OPRM1: variants seen among roughly 807,000 people sequenced by gnomAD.
OPRM1 encodes the protein opioid receptor mu 1, also known as mu-type opioid receptor.
A neutral mutation model predicts 31.8 loss-of-function variants in OPRM1; 27 were observed. The observed-to-expected ratio is 0.85, with a 90% CI of 0.63 to 1.17. The LOEUF (loss-of-function observed/expected upper bound fraction) is 1.17. OPRM1 is among the 50% of genes most tolerant of loss of function. The pLI is 0.00. For missense variants in OPRM1, 536 were observed against 511.1 expected (o/e 1.05, Z -0.47); for synonymous variants, 196 against 189.9 (o/e 1.03, Z -0.26).
chr6:154,164,094 T>C (rs1013443744), intron 3 of OPRM1, among the ~76,000 whole-genome samples: 26 of 152,248 alleles, frequency 1.7e-4, no homozygotes, highest in African/African-American at 6.3e-4. Flanking sequence ...TGTAAAGTTA[T>C]TTAAAGAGTT....
At chr6:154,116,810 C>T (rs913508572) in intron 3 of OPRM1, among the ~76,000 whole-genome samples, 1 of 152,154 alleles carries the variant, frequency 6.6e-6, no homozygotes, top group Admixed American at 6.6e-5. Flanking sequence ...TACACCAATG[C>T]AGCAGCCAAG....
intron 1 of OPRM1, among the ~76,000 whole-genome samples, chr6:154,079,776 C>G (rs901690681): frequency 3.3e-5 from 5 of 152,100 alleles, no homozygotes; most frequent in Admixed American, 6.5e-5. Flanking sequence ...GTGGCATGAC[C>G]GTAGCTCACT....
intron 1 of OPRM1, among the ~76,000 whole-genome samples, chr6:154,063,955 G>A (rs969000598): frequency 1.3e-5 from 2 of 151,996 alleles, no homozygotes; most frequent in South Asian, 4.1e-4. Flanking sequence ...ATGTGAAGAT[G>A]GGTATATAAA....
At chr6:154,194,307 G>A (rs1297941334) in intron 3 of OPRM1, among the ~76,000 whole-genome samples, 1 of 152,206 alleles carries the variant, frequency 6.6e-6, no homozygotes, top group African/African-American at 2.4e-5. Context: ...GCTGAGGCAG[G>A]AGAATCACTT....
intron 3 of OPRM1, chr6:154,091,718 T>C (rs1792285378): frequency 8.0e-7 from 1 of 1,247,674 alleles, no homozygotes; most frequent in African/African-American, 1.5e-5. Context: ...TCAAAATAAC[T>C]ATTTTTATGG....
intron 3 of OPRM1, among the ~76,000 whole-genome samples, chr6:154,171,060 A>C (rs898803635): frequency 1.3e-5 from 2 of 152,166 alleles, no homozygotes; most frequent in African/African-American, 4.8e-5. Flanking sequence ...TTTAGAAAAT[A>C]GTTTGTCCAT....
chr6:154,017,640 A>G (rs770983381), intron 1 of OPRM1, among the ~76,000 whole-genome samples: 3 of 152,196 alleles, frequency 2.0e-5, no homozygotes, highest in Non-Finnish European at 4.4e-5. Context: ...CCCATAAGTT[A>G]TGAGAAGGGA....
chr6:154,245,176 G>C (rs185181023), intron 3 of OPRM1, among the ~76,000 whole-genome samples: 15 of 152,192 alleles, frequency 9.9e-5, no homozygotes, highest in Admixed American at 6.5e-4. Flanking sequence ...TTCAGGAGGG[G>C]AGAAGAAAAG....
At chr6:154,032,415 G>T (rs1779062460) in intron 1 of OPRM1, among the ~76,000 whole-genome samples, 2 of 152,188 alleles carry the variant, frequency 1.3e-5, no homozygotes, top group African/African-American at 4.8e-5. Context: ...AGCAATAAAT[G>T]GGGCATAAGA....
At chr6:154,097,857 A>G (rs1401345592) in intron 3 of OPRM1, among the ~76,000 whole-genome samples, 1 of 152,164 alleles carries the variant, frequency 6.6e-6, no homozygotes, top group East Asian at 1.9e-4. Context: ...ATCATATTAG[A>G]TATGGATTGT....
chr6:154,174,274 A>G (rs1048578410), intron 3 of OPRM1, among the ~76,000 whole-genome samples: 5 of 152,208 alleles, frequency 3.3e-5, no homozygotes, highest in Admixed American at 1.3e-4. Flanking sequence ...TTAATGGGTG[A>G]AAAAACTAGC....
chr6:154,118,168 T>A (rs2128524353), intron 3 of OPRM1, among the ~76,000 whole-genome samples: 1 of 152,314 alleles, frequency 6.6e-6, no homozygotes, highest in Non-Finnish European at 1.5e-5. Flanking sequence ...ATGCCAGCTT[T>A]ACAGTGGGGA....
chr6:154,015,990 C>T (rs1204997758), intron 1 of OPRM1, among the ~76,000 whole-genome samples: 3 of 151,944 alleles, frequency 2.0e-5, no homozygotes, highest in Non-Finnish European at 2.9e-5. Flanking sequence ...GAATCAGACA[C>T]TCATATATAT....
chr6:154,110,468 T>C, intron 3 of OPRM1: 3 of 1,159,972 alleles, frequency 2.6e-6, no homozygotes, highest in Non-Finnish European at 3.8e-6. Context: ...GAGCCTGGGT[T>C]CTGCTGCTAG....
intron 3 of OPRM1, among the ~76,000 whole-genome samples, chr6:154,206,968 C>A (rs1777549094): frequency 6.6e-6 from 1 of 152,188 alleles, no homozygotes; most frequent in South Asian, 2.1e-4. Flanking sequence ...ATTTAAGAAG[C>A]AATGAGAATT....
rs535724834 is a variant in OPRM1, at chr6:154,106,511, T to C, written c.1165-12172T>C. ...AGTCATAGTGGCATTTTATGAAGCA[T>C]TTAGGAGTCCTTACAACCTTTGAAT... On this transcript the variant is annotated intron_variant, in intron 3 of 3. Transcript: ENST00000330432. Among the ~76,000 whole-genome samples, 6 of 152,292 alleles carry C rather than the reference T, an allele frequency of 3.9e-5. No homozygotes were observed. The South Asian group carries it at 1.2e-3, about 32-fold the overall frequency.
chr6:154,139,370 T>TG (rs1197766675), intron 3 of OPRM1, among the ~76,000 whole-genome samples: 1 of 152,208 alleles, frequency 6.6e-6, no homozygotes, highest in Non-Finnish European at 1.5e-5. Context: ...AGTCCTCTTT[T>TG]GGGGGTCTTA....
chr6:154,192,002 T>C (rs1202253178), intron 3 of OPRM1, among the ~76,000 whole-genome samples: 1 of 152,190 alleles, frequency 6.6e-6, no homozygotes, highest in Non-Finnish European at 1.5e-5. Flanking sequence ...GTAGATACAT[T>C]TATTGTTGTA....
At chr6:154,229,213 T>C (rs1779508811) in intron 3 of OPRM1, among the ~76,000 whole-genome samples, 1 of 152,218 alleles carries the variant, frequency 6.6e-6, no homozygotes, top group Non-Finnish European at 1.5e-5. Flanking sequence ...TACATATTAT[T>C]TATAAGGTGT....
Sources: allele counts gnomAD v4.1 joint callset (sites outside exome capture counted in the v4.1 genomes callset), GRCh38; gene constraint gnomAD v4.1.1; transcripts MANE v1.5; gene names NCBI Gene and HGNC (gene_info 2026-07-23, HGNC 2026-07-21).